Variants in FRMD5 observed in about 807,000 individuals in gnomAD.
FRMD5 encodes FERM domain containing 5.
Under a neutral mutation model 69.0 loss-of-function variants are expected in FRMD5, and 20 were observed. That is an observed-to-expected ratio of 0.29 (90% confidence interval 0.20 to 0.42). FRMD5 has a LOEUF of 0.42. Ranked by LOEUF, FRMD5 falls within the 10% of genes least tolerant of loss-of-function variation. The pLI, the probability that FRMD5 is intolerant of heterozygous loss-of-function variation, is 1.00. For missense variants in FRMD5, 595 were observed against 708.6 expected (o/e 0.84, Z 1.82); for synonymous variants, 271 against 260.1 (o/e 1.04, Z -0.40).
intron 1 of FRMD5, among the ~76,000 whole-genome samples, chr15:44,189,072 G>A (rs530959994): frequency 1.1e-4 from 17 of 152,260 alleles, no homozygotes; most frequent in East Asian, 3.9e-4. Flanking sequence ...AGCATGGCAC[G>A]GAAGGATCTC....
At chr15:44,033,826 T>G (rs1435970463) in intron 1 of FRMD5, among the ~76,000 whole-genome samples, 1 of 152,168 alleles carries the variant, frequency 6.6e-6, no homozygotes, top group African/African-American at 2.4e-5. Flanking sequence ...CTCTACAACA[T>G]GAGTGAAAAC....
At chr15:43,983,209 G>T (rs890536570) in intron 1 of FRMD5, among the ~76,000 whole-genome samples, 1 of 152,108 alleles carries the variant, frequency 6.6e-6, no homozygotes, top group East Asian at 1.9e-4. Context: ...GGGATTACAG[G>T]TGTCAGCCAC....
intron 1 of FRMD5, among the ~76,000 whole-genome samples, chr15:43,995,013 T>C (rs2140149600): frequency 6.6e-6 from 1 of 152,326 alleles, no homozygotes; most frequent in South Asian, 2.1e-4. Context: ...TTCCAGGTAT[T>C]CTTGTTTTCT....
chr15:44,055,399 C>T (rs1314062382), intron 1 of FRMD5, among the ~76,000 whole-genome samples: 2 of 152,078 alleles, frequency 1.3e-5, no homozygotes, highest in African/African-American at 2.4e-5. Flanking sequence ...TATGTTTTTA[C>T]GACAAAAGCA....
rs544307970 is a variant in FRMD5, at chr15:43,992,368, T to C, written c.103-68059A>G. 6.0e-5 allele frequency among the ~76,000 whole-genome samples: 9 copies of C among 149,430 alleles called. No individual in the cohort carries two copies. The East Asian group carries it at 1.6e-3, about 26-fold the overall frequency. On this transcript the variant is annotated intron_variant, in intron 1 of 13. Transcript: ENST00000417257. ...CTTTTTTTTTTTTTTTGCAAGGGAC[T>C]GGAGTTTTATATTTATTTTTATTTT...
intron 1 of FRMD5, among the ~76,000 whole-genome samples, chr15:44,036,416 T>C (rs937263108): frequency 6.6e-6 from 1 of 151,654 alleles, no homozygotes; most frequent in Non-Finnish European, 1.5e-5. Flanking sequence ...TCTTTGAAAA[T>C]AGAGGAGAGA....
chr15:43,955,196 A>T (rs2090094982), intron 1 of FRMD5, among the ~76,000 whole-genome samples: 1 of 152,210 alleles, frequency 6.6e-6, no homozygotes, highest in Non-Finnish European at 1.5e-5. Context: ...GTGCACAGGG[A>T]TGTAACCAAA....
rs557277368 is a variant in FRMD5, at chr15:44,120,258, G to A, written c.102+74695C>T. 3.3e-5 allele frequency among the ~76,000 whole-genome samples: 5 copies of A among 152,270 alleles called. No individual in the cohort carries two copies. The South Asian group carries it at 1.0e-3, about 32-fold the overall frequency. On this transcript the variant is annotated intron_variant, in intron 1 of 13. Transcript: ENST00000417257. ...GAATCACTTTGCCAGAAATAGGAAT[G>A]AATAGGAAAGAACTGTCTAGAGGCA...
At chr15:44,160,922 C>A (rs1232093344) in intron 1 of FRMD5, among the ~76,000 whole-genome samples, 1 of 152,180 alleles carries the variant, frequency 6.6e-6, no homozygotes, top group African/African-American at 2.4e-5. Context: ...GTAAATTGCT[C>A]ACTTGTTGGG....
At chr15:43,907,892 C>T (rs1208651414) in intron 5 of FRMD5, among the ~76,000 whole-genome samples, 6 of 152,140 alleles carry the variant, frequency 3.9e-5, no homozygotes, top group African/African-American at 7.2e-5. Context: ...TCTTCCACCT[C>T]GGCCTTCCAA....
At chr15:43,907,996 T>C (rs2089211733) in intron 5 of FRMD5, among the ~76,000 whole-genome samples, 1 of 152,206 alleles carries the variant, frequency 6.6e-6, no homozygotes, top group Non-Finnish European at 1.5e-5. Context: ...ACATCAATGT[T>C]GGACGTCAAG....
chr15:43,919,428 C>G, intron 4 of FRMD5, 31 bp downstream of exon 4: 2 of 1,597,382 alleles, frequency 1.3e-6, no homozygotes, highest in Non-Finnish European at 1.7e-6. Flanking sequence ...CCAACAGGTC[C>G]TAATGGCTGC....
chr15:44,098,771 C>T (rs552276895), intron 1 of FRMD5, among the ~76,000 whole-genome samples: 1 of 152,260 alleles, frequency 6.6e-6, no homozygotes, highest in East Asian at 1.9e-4. Flanking sequence ...CTCTTAATTC[C>T]TTTAAACTTC....
At chr15:44,102,025 C>T (rs774555229) in intron 1 of FRMD5, among the ~76,000 whole-genome samples, 2 of 152,190 alleles carry the variant, frequency 1.3e-5, no homozygotes, top group Non-Finnish European at 2.9e-5. Context: ...ATGGTGACTG[C>T]CGTATCACAC....
At chr15:44,017,987 G>C (rs1175254840) in intron 1 of FRMD5, among the ~76,000 whole-genome samples, 3 of 152,054 alleles carry the variant, frequency 2.0e-5, no homozygotes, top group Non-Finnish European at 2.9e-5. Flanking sequence ...CCACTGCCTA[G>C]GAAAGGCTAA....
intron 1 of FRMD5, among the ~76,000 whole-genome samples, chr15:43,929,377 G>A (rs1036458593): frequency 7.9e-5 from 12 of 152,206 alleles, no homozygotes; most frequent in Admixed American, 6.5e-4. Context: ...GCATCCTGAT[G>A]AGAGAAGCCA....
At chr15:43,954,955 AAAGGGAG>A (rs2090091485) in intron 1 of FRMD5, among the ~76,000 whole-genome samples, 1 of 152,190 alleles carries the variant, frequency 6.6e-6, no homozygotes, top group African/African-American at 2.4e-5. Context: ...ATTATTATCT[AAAGGGAG>A]TATGCCTCCT....
At chr15:44,104,110 A>C (rs773960011) in intron 1 of FRMD5, among the ~76,000 whole-genome samples, 1 of 152,226 alleles carries the variant, frequency 6.6e-6, no homozygotes, top group African/African-American at 2.4e-5. Flanking sequence ...GATTGAAGAC[A>C]GTGATAATGA....
chr15:44,111,728 G>A (rs1283458494), intron 1 of FRMD5, among the ~76,000 whole-genome samples: 3 of 152,216 alleles, frequency 2.0e-5, no homozygotes, highest in African/African-American at 7.2e-5. Flanking sequence ...TCCATTCTTA[G>A]TCATTTGAGG....
Sources: allele counts gnomAD v4.1 joint callset (sites outside exome capture counted in the v4.1 genomes callset), GRCh38; gene constraint gnomAD v4.1.1; transcripts MANE v1.5; gene names NCBI Gene and HGNC (gene_info 2026-07-23, HGNC 2026-07-21).